LARGE1: variants seen among roughly 807,000 people sequenced by gnomAD.
LARGE1 encodes xylosyl- and glucuronyltransferase LARGE1.
A neutral mutation model predicts 87.6 loss-of-function variants in LARGE1; 43 were observed. That is an observed-to-expected ratio of 0.49 (90% CI 0.38 to 0.63). The LOEUF is 0.63. Among genes scored for constraint, LARGE1 ranks in the 30% least tolerant of loss-of-function variants. The pLI, the probability that LARGE1 is intolerant of heterozygous loss-of-function variation, is 0.00. For missense variants in LARGE1, 802 were observed against 1,000.2 expected (o/e 0.80, Z 2.67); for synonymous variants, 434 against 394.6 (o/e 1.10, Z -1.18).
intron 1 of LARGE1, among the ~76,000 whole-genome samples, chr22:33,798,899 T>C (rs1384962935): frequency 6.6e-6 from 1 of 152,104 alleles, no homozygotes; most frequent in African/African-American, 2.4e-5. Flanking sequence ...AGCAAAACCA[T>C]AAAAATTCTG....
intron 1 of LARGE1, among the ~76,000 whole-genome samples, chr22:33,778,573 C>T (rs775424231): frequency 6.6e-6 from 1 of 152,200 alleles, no homozygotes; most frequent in African/African-American, 2.4e-5. Flanking sequence ...TCATTCAACA[C>T]ATGGCCTTTT....
intron 2 of LARGE1, among the ~76,000 whole-genome samples, chr22:33,652,949 G>A (rs1281195989): frequency 1.3e-5 from 2 of 152,172 alleles, no homozygotes; most frequent in Non-Finnish European, 2.9e-5. Context: ...ATGCAGAATT[G>A]GTAGGGGACG....
At chr22:33,784,453 T>C (rs527590742) in intron 1 of LARGE1, among the ~76,000 whole-genome samples, 3 of 152,292 alleles carry the variant, frequency 2.0e-5, no homozygotes, top group South Asian at 2.1e-4. Context: ...GGCCTGTGTA[T>C]AGCGTGGGAG....
chr22:33,295,467 A>C (rs1327062657), intron 12 of LARGE1, among the ~76,000 whole-genome samples: 7 of 152,214 alleles, frequency 4.6e-5, no homozygotes, highest in Non-Finnish European at 1.0e-4. Flanking sequence ...GCTAGACGTA[A>C]GCATGGCTTT....
chr22:33,701,799 A>T (rs938153937), intron 2 of LARGE1, among the ~76,000 whole-genome samples: 2 of 152,234 alleles, frequency 1.3e-5, no homozygotes, highest in Non-Finnish European at 2.9e-5. Flanking sequence ...TCCTAAGCAG[A>T]AAAGGGACAA....
At chr22:33,417,351 C>G (rs2066535781) in intron 7 of LARGE1, among the ~76,000 whole-genome samples, 1 of 152,192 alleles carries the variant, frequency 6.6e-6, no homozygotes, top group African/African-American at 2.4e-5. Flanking sequence ...TTCTCCATTT[C>G]TAATCACCAG....
At chr22:33,743,942 AG>A (rs1178792761) in intron 2 of LARGE1, 1 of 152,178 alleles carries the variant, frequency 6.6e-6, no homozygotes, top group Non-Finnish European at 1.5e-5. Flanking sequence ...TTCACATACC[AG>A]CTGAGTGACC....
At chr22:33,184,275 A>G (rs926473441) in intron 11 of LARGE1, among the ~76,000 whole-genome samples, 1 of 151,476 alleles carries the variant, frequency 6.6e-6, no homozygotes, top group Non-Finnish European at 1.5e-5. Flanking sequence ...TTACAATGAA[A>G]CAAAGTATAA....
chr22:33,257,421 GGTAAAA>G (rs1469949069), intron 11 of LARGE1, among the ~76,000 whole-genome samples: 11 of 130,398 alleles, frequency 8.4e-5, no homozygotes, highest in Non-Finnish European at 1.5e-4. Context: ...CTACTTGGAA[GGTAAAA>G]CAAAAACAAA....
chr22:33,542,829 T>G (rs914237290), intron 6 of LARGE1, among the ~76,000 whole-genome samples: 2 of 152,064 alleles, frequency 1.3e-5, no homozygotes, highest in African/African-American at 4.8e-5. Context: ...ACTGAACAGA[T>G]AGCTTAGGAT....
intron 10 of LARGE1, among the ~76,000 whole-genome samples, chr22:33,317,620 A>C (rs1936298606): frequency 6.6e-6 from 1 of 152,240 alleles, no homozygotes; most frequent in African/African-American, 2.4e-5. Context: ...GGAGCTAAGA[A>C]GATAACATTT....
rs111896717 is a variant in LARGE1 at position 33,811,507 on chromosome 22, C to T, written c.-82-49949G>A. On this transcript the variant is annotated intron_variant, in intron 1 of 14. Coordinates refer to ENST00000397394, the MANE Select transcript of LARGE1 (RefSeq NM_133642.5). ...ACAAAACCTGAGTCTTGAAGGATTA[C>T]TAGGAGTCTGACAGGGAGAAAAAGT... Among the ~76,000 whole-genome samples, 693 of 152,152 alleles carry T rather than the reference C, an allele frequency of 4.6e-3. 3 individuals are homozygous for T. Among genetic ancestry groups the T allele is most frequent in the African/African-American group, 0.015 (638 of 41,520 alleles).
At chr22:33,568,259 T>C (rs1238879653) in intron 5 of LARGE1, among the ~76,000 whole-genome samples, 1 of 152,080 alleles carries the variant, frequency 6.6e-6, no homozygotes, top group African/African-American at 2.4e-5. Context: ...TCAACCTCAC[T>C]TCCCTCCTGC....
chr22:33,500,569 A>G (rs574825218), intron 6 of LARGE1, among the ~76,000 whole-genome samples: 2 of 152,310 alleles, frequency 1.3e-5, no homozygotes, highest in East Asian at 3.9e-4. Flanking sequence ...CAACGTGGGT[A>G]AGGGCACAGT....
At chr22:33,377,527 A>C (rs1316995100) in intron 9 of LARGE1, among the ~76,000 whole-genome samples, 1 of 152,142 alleles carries the variant, frequency 6.6e-6, no homozygotes, top group Non-Finnish European at 1.5e-5. Context: ...TTTAGAGAGG[A>C]TCTCTTCATT....
intron 10 of LARGE1, among the ~76,000 whole-genome samples, chr22:33,318,882 A>G (rs1448602525): frequency 1.3e-5 from 2 of 152,176 alleles, no homozygotes; most frequent in East Asian, 3.9e-4. Context: ...ACCTAGCTGA[A>G]TACCATAGAA....
intron 10 of LARGE1, among the ~76,000 whole-genome samples, chr22:33,319,101 G>A (rs969483041): frequency 1.3e-5 from 2 of 151,984 alleles, no homozygotes; most frequent in Admixed American, 1.3e-4. Context: ...CCCACTCCCC[G>A]CCACCCCAGA....
At chr22:33,816,437 T>C (rs1166101466) in intron 1 of LARGE1, among the ~76,000 whole-genome samples, 1 of 152,166 alleles carries the variant, frequency 6.6e-6, no homozygotes, top group African/African-American at 2.4e-5. Flanking sequence ...GGCCGTCTTC[T>C]TGCTACGTCC....
At chr22:33,386,254 A>G (rs184229915) in intron 7 of LARGE1, among the ~76,000 whole-genome samples, 2 of 148,962 alleles carry the variant, frequency 1.3e-5, no homozygotes, top group Admixed American at 1.3e-4. Context: ...TAAATCGGAC[A>G]CTTGTCAATT....
Sources: gnomAD v4.1 joint callset for allele counts (sites outside exome capture counted in the v4.1 genomes callset) on GRCh38, gnomAD v4.1.1 for gene constraint, MANE v1.5 for transcripts, NCBI Gene and HGNC (gene_info 2026-07-23, HGNC 2026-07-21) for gene names.